ABCC4: variants seen among roughly 807,000 people sequenced by gnomAD.
The protein encoded by ABCC4 is ATP-binding cassette sub-family C member 4.
Under a neutral mutation model 168.5 loss-of-function variants are expected in ABCC4, and 102 were observed. The observed-to-expected ratio is 0.61, with a 90% confidence interval of 0.52 to 0.71. The LOEUF is 0.71. ABCC4 is among the 30% of genes least tolerant of loss of function. The pLI, the probability that ABCC4 is intolerant of heterozygous loss-of-function variation, is 0.00. For missense variants in ABCC4, 1,402 were observed against 1,605.8 expected (o/e 0.87, Z 2.17); for synonymous variants, 617 against 590.7 (o/e 1.04, Z -0.65).
intron 29 of ABCC4, among the ~76,000 whole-genome samples, chr13:95,038,042 A>G (rs1164410627): frequency 1.3e-5 from 2 of 151,980 alleles, no homozygotes; most frequent in Non-Finnish European, 2.9e-5. Context: ...CTTTGTAGAG[A>G]TGGGGTTTCG....
chr13:95,187,402 C>T (rs565233116), intron 10 of ABCC4, among the ~76,000 whole-genome samples: 47 of 151,938 alleles, frequency 3.1e-4, no homozygotes, highest in African/African-American at 1.1e-3. Context: ...GCCAGGAGTT[C>T]GAGACCAGCC....
At chr13:95,154,830 T>G (rs943501781) in intron 19 of ABCC4, among the ~76,000 whole-genome samples, 1 of 152,244 alleles carries the variant, frequency 6.6e-6, no homozygotes, top group African/African-American at 2.4e-5. Context: ...ATTTTGACAG[T>G]GCTGAAATAT....
At chr13:95,094,087 G>T (rs2034515779) in intron 20 of ABCC4, among the ~76,000 whole-genome samples, 1 of 151,918 alleles carries the variant, frequency 6.6e-6, no homozygotes, top group Non-Finnish European at 1.5e-5. Flanking sequence ...TCAATATTGT[G>T]AAAATGACCA....
intron 8 of ABCC4, among the ~76,000 whole-genome samples, chr13:95,195,536 C>T (rs2038388946): frequency 6.6e-6 from 1 of 152,222 alleles, no homozygotes; most frequent in Non-Finnish European, 1.5e-5. Context: ...ACTTAATTCA[C>T]TATCACTTAA....
chr13:95,166,064 A>G, intron 15 of ABCC4, 94 bp downstream of exon 15: 1 of 1,201,470 alleles, frequency 8.3e-7, no homozygotes, highest in Non-Finnish European at 1.2e-6. Context: ...ACTTTGGGAC[A>G]AAAGATGAAG....
intron 19 of ABCC4, among the ~76,000 whole-genome samples, chr13:95,148,191 T>C (rs565117740): frequency 1.3e-5 from 2 of 152,302 alleles, no homozygotes; most frequent in Admixed American, 6.5e-5. Flanking sequence ...CCATATCAAA[T>C]GCTTTTCATA....
intron 5 of ABCC4, 123 bp downstream of exon 5, chr13:95,210,569 G>T: frequency 1.3e-6 from 1 of 771,650 alleles, no homozygotes; most frequent in East Asian, 2.7e-5. Context: ...CAAGCCTTCA[G>T]CGAGCTATGA....
At chr13:95,181,317 G>C (rs2037881570) in intron 11 of ABCC4, among the ~76,000 whole-genome samples, 1 of 152,222 alleles carries the variant, frequency 6.6e-6, no homozygotes, top group South Asian at 2.1e-4. Flanking sequence ...CCCAGCACAA[G>C]AAGAGGCCCC....
At chr13:95,281,066 A>C (rs116582882) in intron 1 of ABCC4, among the ~76,000 whole-genome samples, 1 of 151,980 alleles carries the variant, frequency 6.6e-6, no homozygotes, top group Non-Finnish European at 1.5e-5. Flanking sequence ...AAAGCCAGAT[A>C]GTTCAGGTAA....
At chr13:95,042,510 T>C (rs1392922876) in intron 29 of ABCC4, among the ~76,000 whole-genome samples, 3 of 152,044 alleles carry the variant, frequency 2.0e-5, no homozygotes, top group Non-Finnish European at 2.9e-5. Flanking sequence ...GCTAGAAAGG[T>C]AGGGAGGGGC....
At chr13:95,098,814 C>T (rs752512554) in intron 20 of ABCC4, among the ~76,000 whole-genome samples, 1 of 152,050 alleles carries the variant, frequency 6.6e-6, no homozygotes, top group African/African-American at 2.4e-5. Flanking sequence ...ATCATCAAGG[C>T]AATGCAAATG....
At chr13:95,207,313 C>A (rs1041985861) in intron 7 of ABCC4, among the ~76,000 whole-genome samples, 2 of 152,192 alleles carry the variant, frequency 1.3e-5, no homozygotes, top group Admixed American at 6.5e-5. Context: ...CAGGCATGAG[C>A]CACTGCGCCC....
intron 24 of ABCC4, among the ~76,000 whole-genome samples, chr13:95,072,404 T>A (rs1566392270): frequency 6.6e-6 from 1 of 152,116 alleles, no homozygotes; most frequent in Non-Finnish European, 1.5e-5. Flanking sequence ...GAGGTTGCAG[T>A]GAGCCAAGAT....
intron 19 of ABCC4, among the ~76,000 whole-genome samples, chr13:95,128,550 A>C (rs1036957316): frequency 6.6e-6 from 1 of 152,266 alleles, no homozygotes; most frequent in Admixed American, 6.5e-5. Flanking sequence ...TTCCTTCCCA[A>C]CTGAAAAAGT....
At chr13:95,146,133 C>T (rs1054321588) in intron 19 of ABCC4, among the ~76,000 whole-genome samples, 1 of 151,638 alleles carries the variant, frequency 6.6e-6, no homozygotes, top group South Asian at 2.1e-4. Flanking sequence ...ATTGCTTACA[C>T]CCCAGAGGCG....
At position 95,206,840 on chromosome 13, in the gene ABCC4, C is replaced by T. The variant is rs147623376; in HGVS notation, c.912-59G>A. The T allele has an allele frequency of 3.6e-4, 559 of 1,573,792 alleles. 2 individuals carry two copies. Among genetic ancestry groups the T allele is most frequent in the South Asian group, 3.2e-3 (276 of 87,366 alleles). Reference sequence around the variant, plus strand: ...GATGTCAACCAGATAAAGTGGCTCACGCCTGCAATCTCAGCACTTTGGGAG... The same window carrying T: ...GATGTCAACCAGATAAAGTGGCTCATGCCTGCAATCTCAGCACTTTGGGAG... On this transcript the variant is annotated intron_variant, in intron 7 of 30. Coordinates refer to ENST00000645237, the MANE Select transcript of ABCC4 (RefSeq NM_005845.5).
At chr13:95,249,412 C>G (rs1334594821) in intron 1 of ABCC4, among the ~76,000 whole-genome samples, 2 of 152,134 alleles carry the variant, frequency 1.3e-5, no homozygotes, top group Non-Finnish European at 2.9e-5. Context: ...CCATGGGGAA[C>G]CCACTGCCTG....
At chr13:95,255,698 CTA>C (rs2040376182) in intron 1 of ABCC4, among the ~76,000 whole-genome samples, 1 of 152,230 alleles carries the variant, frequency 6.6e-6, no homozygotes, top group African/African-American at 2.4e-5. Context: ...CCTGTTGTTT[CTA>C]TGTCAACCTA....
At chr13:95,106,331 G>T (rs558450601) in intron 20 of ABCC4, among the ~76,000 whole-genome samples, 1 of 150,584 alleles carries the variant, frequency 6.6e-6, no homozygotes, top group African/African-American at 2.5e-5. Flanking sequence ...GGGTATGTGC[G>T]TGTGTGTGCG....
Sources: allele counts gnomAD v4.1 joint callset (sites outside exome capture counted in the v4.1 genomes callset), GRCh38; gene constraint gnomAD v4.1.1; transcripts MANE v1.5; gene names NCBI Gene and HGNC (gene_info 2026-07-23, HGNC 2026-07-21).